KAZN: variants seen among roughly 807,000 people sequenced by gnomAD.
The protein encoded by KAZN is kazrin.
KAZN carries 40 observed loss-of-function variants against 87.4 expected under a neutral mutation model. The observed-to-expected ratio is 0.46, with a 90% CI of 0.36 to 0.60. The LOEUF is 0.60. Ranked by LOEUF, KAZN falls within the 20% of genes least tolerant of loss-of-function variation. The pLI, the probability that KAZN is intolerant of heterozygous loss-of-function variation, is 0.00. For missense variants in KAZN, 898 were observed against 1,073.9 expected, an observed-to-expected ratio of 0.84 and a Z score of 2.29; for synonymous variants, 466 against 458.3, an observed-to-expected ratio of 1.02 and a Z score of -0.22.
At chr1:14,617,696 T>A (rs928689454) in intron 1 of KAZN, among the ~76,000 whole-genome samples, 11 of 152,206 alleles carry the variant, frequency 7.2e-5, no homozygotes, top group Non-Finnish European at 1.5e-4. Context: ...ATTCAAGCTG[T>A]CCAGAGTGTC....
intron 1 of KAZN, among the ~76,000 whole-genome samples, chr1:14,124,670 G>A (rs1405577564): frequency 6.7e-6 from 1 of 149,968 alleles, no homozygotes; most frequent in East Asian, 2.0e-4. Flanking sequence ...GCCTCTCTCA[G>A]TTCCTGAAGT....
chr1:13,982,001 T>C (rs1179952396), intron 1 of KAZN, among the ~76,000 whole-genome samples: 3 of 152,202 alleles, frequency 2.0e-5, no homozygotes, highest in Non-Finnish European at 4.4e-5. Flanking sequence ...GGCTGTCCTC[T>C]TGGTTTGCTA....
At chr1:14,527,637 T>G (rs920279792) in intron 2 of KAZN, among the ~76,000 whole-genome samples, 5 of 151,568 alleles carry the variant, frequency 3.3e-5, no homozygotes, top group Middle Eastern at 3.2e-3. Context: ...CGGCATCTGC[T>G]CCTGGTGAGG....
At chr1:15,050,850 C>A (rs899137220) in intron 4 of KAZN, among the ~76,000 whole-genome samples, 1 of 152,190 alleles carries the variant, frequency 6.6e-6, no homozygotes, top group Non-Finnish European at 1.5e-5. Flanking sequence ...GTCTTTGGTC[C>A]TTAGTCATTG....
chr1:14,207,771 AC>A (rs1423141792), intron 2 of KAZN, among the ~76,000 whole-genome samples: 4 of 152,154 alleles, frequency 2.6e-5, no homozygotes, highest in Non-Finnish European at 4.4e-5. Context: ...TGAGAAAAAA[AC>A]ATCTTAGGAC....
At chr1:14,978,352 G>T (rs1356951512) in intron 2 of KAZN, among the ~76,000 whole-genome samples, 1 of 152,184 alleles carries the variant, frequency 6.6e-6, no homozygotes, top group Admixed American at 6.5e-5. Context: ...AGTCTGGCTG[G>T]CTGTGTTCTA....
intron 1 of KAZN, among the ~76,000 whole-genome samples, chr1:14,740,738 T>C (rs1644070926): frequency 6.6e-6 from 1 of 152,164 alleles, no homozygotes; most frequent in South Asian, 2.1e-4. Context: ...GTCTCTTGAT[T>C]TCTTGCTCTT....
intron 1 of KAZN, among the ~76,000 whole-genome samples, chr1:14,767,758 G>T (rs911888057): frequency 3.3e-5 from 5 of 152,206 alleles, no homozygotes; most frequent in African/African-American, 1.2e-4. Context: ...GGAGGGCTCA[G>T]TGGAGACTGG....
At chr1:14,402,614 TAAATG>T (rs1346523514) in intron 2 of KAZN, among the ~76,000 whole-genome samples, 6 of 152,174 alleles carry the variant, frequency 3.9e-5, no homozygotes, top group Non-Finnish European at 8.8e-5. Flanking sequence ...AAAATATTTT[TAAATG>T]AAACTAGACA....
intron 1 of KAZN, among the ~76,000 whole-genome samples, chr1:14,679,416 G>T (rs1183555602): frequency 6.6e-6 from 1 of 152,116 alleles, no homozygotes; most frequent in African/African-American, 2.4e-5. Context: ...CTGGCCCTGG[G>T]GTGATATGGG....
intron 1 of KAZN, among the ~76,000 whole-genome samples, chr1:14,602,017 T>A (rs1677019402): frequency 2.0e-5 from 3 of 152,362 alleles, no homozygotes; most frequent in South Asian, 4.1e-4. Context: ...GTTTTTTAAA[T>A]TCTTTTTTTA....
upstream of KAZN, among the ~76,000 whole-genome samples, chr1:14,594,974 G>A (rs1025494304): frequency 2.6e-5 from 4 of 151,990 alleles, no homozygotes; most frequent in Non-Finnish European, 2.9e-5. Context: ...GTGAAACCCC[G>A]TCTCTACTAA....
chr1:14,335,760 C>CAG lies in KAZN; in HGVS notation c.249+155189_249+155190dup, dbSNP rs34561318. On this transcript the variant is annotated intron_variant, in intron 2 of 16. Transcript: ENST00000636203. ...GTGCATGTGCGCGCACACACACACA[C>CAG]AGAGAGAGAGAGAGAGAGAGAGGCA... Among the ~76,000 whole-genome samples the CAG allele has an allele frequency of 8.8e-3, 1,310 of 149,330 alleles. 23 individuals are homozygous for CAG. Among genetic ancestry groups the CAG allele is most frequent in the African/African-American group, 0.027 (1,095 of 40,816 alleles).
chr1:13,897,408 A>T lies in KAZN; in HGVS notation c.91+3652A>T, dbSNP rs914049083. ...CTCTGAAAGATGCTTATTTGCTGGT[A>T]CCCTTGATGCTACATGGTGCTGTGG... On this transcript the variant is annotated intron_variant, in intron 1 of 16. Coordinates refer to the KAZN transcript ENST00000636203. 1.5e-4 allele frequency among the ~76,000 whole-genome samples: 23 copies of T among 152,150 alleles called. 1 individual carries two copies. The highest frequency in any genetic ancestry group is 2.6e-4 in the Admixed American group (4 of 15,268).
intron 2 of KAZN, among the ~76,000 whole-genome samples, chr1:14,514,501 A>ATATTTATATAAATATATTTTATATATTTT (rs1356176384): frequency 1.5e-4 from 1 of 6,822 alleles, no homozygotes; most frequent in East Asian, 1.2e-3. Context: ...ATATATGTAA[A>ATATTTATATAAATATATTTTATATATTTT]ATATATAATA....
chr1:14,215,234 A>G (rs1646935202), intron 2 of KAZN, among the ~76,000 whole-genome samples: 1 of 152,238 alleles, frequency 6.6e-6, no homozygotes, highest in Non-Finnish European at 1.5e-5. Flanking sequence ...AATTCATTAG[A>G]TAAGTATGAT....
intron 2 of KAZN, among the ~76,000 whole-genome samples, chr1:14,232,756 C>T (rs1252644582): frequency 6.6e-6 from 1 of 152,108 alleles, no homozygotes; most frequent in Non-Finnish European, 1.5e-5. Context: ...TATTAATCTT[C>T]CTTCACAGTA....
intron 2 of KAZN, among the ~76,000 whole-genome samples, chr1:15,019,823 G>A (rs80160209): frequency 0.02 from 2,970 of 152,218 alleles, 53 homozygotes; most frequent in Non-Finnish European, 0.026. Flanking sequence ...TGCTGACTAC[G>A]GCTGTTACTG....
At position 14,769,511 on chromosome 1, in the gene KAZN, C is replaced by T. The variant is rs1644968683; in HGVS notation, c.226+170288C>T. On this transcript the variant is annotated intron_variant, in intron 1 of 14. Transcript: ENST00000376030. This position sits in a 1 kb window ranked among gnomAD's most constrained non-coding sequence, Gnocchi z 4.1. ...CTGGGATTACAGGCGCCCACCACCA[C>T]GCCCGGCTAATTTTGTATTTTTAGT... Among the ~76,000 whole-genome samples the T allele has an allele frequency of 2.0e-5, 3 of 152,090 alleles. No individual in the cohort carries two copies. Among genetic ancestry groups the T allele is most frequent in the South Asian group, 2.1e-4 (1 of 4,820 alleles).
Sources: allele counts gnomAD v4.1 joint callset (sites outside exome capture counted in the v4.1 genomes callset), GRCh38; gene constraint gnomAD v4.1.1; non-coding constraint Gnocchi (gnomAD v3.1); transcripts MANE v1.5; gene names NCBI Gene and HGNC (gene_info 2026-07-23, HGNC 2026-07-21).